The following ATP8B4 variants were observed in gnomAD, a reference collection of about 807,000 sequenced individuals.
The protein encoded by ATP8B4 is ATPase phospholipid transporting 8B4 (putative).
In ATP8B4, 133 loss-of-function variants were observed where a neutral mutation model predicts 145.6. That is an observed-to-expected ratio of 0.91 (90% CI 0.79 to 1.05). The LOEUF is 1.05. Ranked by LOEUF, ATP8B4 falls within the 50% of genes least tolerant of loss-of-function variation. The probability of loss-of-function intolerance (pLI) is 0.00; values close to 1 mark genes in which losing one functional copy is unlikely to be tolerated. For synonymous variants in ATP8B4, 507 were observed against 492.9 expected (o/e 1.03, Z -0.38); for missense variants, 1,458 against 1,425.2 (o/e 1.02, Z -0.37).
intron 2 of ATP8B4, among the ~76,000 whole-genome samples, chr15:50,075,371 G>A (rs968424283): frequency 2.0e-5 from 3 of 152,182 alleles, no homozygotes; most frequent in African/African-American, 7.2e-5. Context: ...TTCCAAAAGT[G>A]CAGGCAGAAT....
In ATP8B4 at chr15:50,107,083, T is replaced by A. The variant is rs1386446025; in HGVS notation, c.-42-75A>T. 3 of 975,378 alleles carry A rather than the reference T, an allele frequency of 3.1e-6. No individual in the cohort carries two copies. In the East Asian group the frequency reaches 8.4e-5, roughly 27 times the overall value. The allele number at this position is 975,378 out of a possible 1,614,324, so 60.4% of individuals were successfully genotyped here. ...ATAAATTTACCTCCTTTAACTTTCT[T>A]CCTAGACAAATCTAGGTAATTAGGA... On this transcript the variant is annotated intron_variant, in intron 1 of 27. Coordinates refer to ENST00000284509, the MANE Select transcript of ATP8B4 (RefSeq NM_024837.4).
At chr15:49,886,196 G>A (rs2036164492) in intron 23 of ATP8B4, among the ~76,000 whole-genome samples, 1 of 152,022 alleles carries the variant, frequency 6.6e-6, no homozygotes, top group African/African-American at 2.4e-5. Context: ...CTCAATAAAA[G>A]GAAGCTGGTG....
intron 24 of ATP8B4, among the ~76,000 whole-genome samples, chr15:49,878,496 G>C (rs1265600391): frequency 6.6e-6 from 1 of 152,098 alleles, no homozygotes; most frequent in Non-Finnish European, 1.5e-5. Context: ...CAACAGCCTG[G>C]AGAAAATGTG....
chr15:50,040,151 T>C (rs1321605404), intron 5 of ATP8B4, among the ~76,000 whole-genome samples: 1 of 152,244 alleles, frequency 6.6e-6, no homozygotes, highest in East Asian at 1.9e-4. Context: ...CTGTGGTCCC[T>C]GCCCTGTGGC....
At chr15:50,147,272 C>T (rs1322712458) in intron 1 of ATP8B4, among the ~76,000 whole-genome samples, 3 of 151,828 alleles carry the variant, frequency 2.0e-5, no homozygotes, top group Non-Finnish European at 4.4e-5. Context: ...AAGAATTAGT[C>T]GGGTGTGGTG....
chr15:50,043,936 G>C (rs1427409839), intron 5 of ATP8B4, among the ~76,000 whole-genome samples: 1 of 149,940 alleles, frequency 6.7e-6, no homozygotes, highest in East Asian at 1.9e-4. Flanking sequence ...GTCCGGCCTG[G>C]GCGACAGAGC....
chr15:49,987,399 A>T lies in ATP8B4; in HGVS notation c.740T>A (p.Ile247Asn), dbSNP rs1248831983. 3 of 1,613,690 alleles carry T rather than the reference A, an allele frequency of 1.9e-6. No individual in the cohort carries two copies. The highest frequency in any genetic ancestry group is 1.3e-5 in the African/African-American group (1 of 75,028). Residue 247 changes from isoleucine to asparagine, a missense_variant, in exon 10 of 28, where the codon ATT (isoleucine) becomes AAT (asparagine). Ile to Asn is a moderately radical substitution (Grantham distance 149, BLOSUM62 -3). Transcript: ENST00000284509. ...TGGGTCACATGCTGTACCTGCAAAA[A>T]TAACCATTCCAAAACACCAGCTGGT... ...RNTSWCFGMV[I>N]FAGPDTKLMQ...
chr15:49,954,350 A>G (rs1567069579), intron 14 of ATP8B4, among the ~76,000 whole-genome samples: 2 of 152,216 alleles, frequency 1.3e-5, no homozygotes, highest in Admixed American at 1.3e-4. Flanking sequence ...TAATTACACT[A>G]AAGAGCTTCT....
At chr15:50,135,858 C>T (rs1415708275) in intron 1 of ATP8B4, among the ~76,000 whole-genome samples, 4 of 152,176 alleles carry the variant, frequency 2.6e-5, no homozygotes, top group Non-Finnish European at 4.4e-5. Flanking sequence ...AAAGGGCCTA[C>T]AGAAGAATGC....
In ATP8B4 at chr15:49,862,337, G is replaced by C. The variant is rs2031973483; in HGVS notation, c.3205C>G (p.Leu1069Val). ...RHSLTQKCIW[L>V]VILLTTVASV... ...GCCACTGTTGTTAAGAGAATTACAA[G>C]CCAGATGCACTTCTGGGTCAGGGAA... The change falls in exon 27 of 28, where the codon CTT becomes GTT. Residue 1069 changes from leucine to valine, a missense_variant. Transcript: ENST00000284509. 1 of 1,613,632 alleles carries C rather than the reference G, an allele frequency of 6.2e-7. No homozygotes were observed. The highest frequency in any genetic ancestry group is 1.3e-5 in the African/African-American group (1 of 74,914).
chr15:50,162,217 A>T (rs2044530763), intron 1 of ATP8B4, among the ~76,000 whole-genome samples: 1 of 151,810 alleles, frequency 6.6e-6, no homozygotes, highest in Non-Finnish European at 1.5e-5. Context: ...TTTATCCTTG[A>T]CCTTTGAAGT....
intron 1 of ATP8B4, among the ~76,000 whole-genome samples, chr15:50,127,990 A>G (rs1212153383): frequency 6.6e-6 from 1 of 152,190 alleles, no homozygotes; most frequent in East Asian, 1.9e-4. Flanking sequence ...TGAGCAGATG[A>G]TGGAGCTACT....
intron 2 of ATP8B4, among the ~76,000 whole-genome samples, chr15:50,099,027 C>T (rs2056174987): frequency 6.6e-6 from 1 of 152,142 alleles, no homozygotes; most frequent in South Asian, 2.1e-4. Flanking sequence ...CTAGAGCCCA[C>T]AGAAGACATA....
intron 9 of ATP8B4, 99 bp downstream of exon 9, chr15:49,996,578 C>A (rs935900445): frequency 2.0e-6 from 2 of 984,344 alleles, no homozygotes; most frequent in Non-Finnish European, 1.5e-6. Flanking sequence ...GATGTCCTTC[C>A]ACCAAATAAA....
chr15:49,871,200 T>A (rs976344110), intron 25 of ATP8B4, among the ~76,000 whole-genome samples: 2 of 152,266 alleles, frequency 1.3e-5, no homozygotes, highest in Non-Finnish European at 2.9e-5. Context: ...TAATAGTACT[T>A]ACATTTCATA....
intron 14 of ATP8B4, among the ~76,000 whole-genome samples, chr15:49,953,308 A>G (rs2043264242): frequency 6.6e-6 from 1 of 152,176 alleles, no homozygotes; most frequent in Non-Finnish European, 1.5e-5. Context: ...AACAACCAGG[A>G]GGAGAGGCTA....
intron 26 of ATP8B4, among the ~76,000 whole-genome samples, chr15:49,862,954 T>C (rs2032120314): frequency 6.6e-6 from 1 of 152,224 alleles, no homozygotes; most frequent in Non-Finnish European, 1.5e-5. Context: ...CATCAAGATC[T>C]TGTGGTTACA....
rs184051795 is a variant in ATP8B4, at chr15:50,180,364, T to A, written c.-43+1897A>T. On this transcript the variant is annotated intron_variant, in intron 1 of 3. Transcript: ENST00000558829. ...GTGAAAGCAAAACTAGATCCAGGTGTCAGCATTTAAAATCCTTGATGTCTT... is the reference window on the plus strand; with the variant it reads ...GTGAAAGCAAAACTAGATCCAGGTGACAGCATTTAAAATCCTTGATGTCTT... Among the ~76,000 whole-genome samples, 23 of 152,300 alleles carry A rather than the reference T, an allele frequency of 1.5e-4. No homozygotes were observed. In the East Asian group the frequency reaches 4.4e-3, roughly 29 times the overall value.
intron 23 of ATP8B4, among the ~76,000 whole-genome samples, chr15:49,884,631 AG>A (rs1359275440): frequency 1.3e-5 from 2 of 151,132 alleles, no homozygotes; most frequent in African/African-American, 2.4e-5. Flanking sequence ...AAAAAAAAAA[AG>A]AAAGTTTCCT....
Sources: gnomAD v4.1 joint callset for allele counts (sites outside exome capture counted in the v4.1 genomes callset) on GRCh38, gnomAD v4.1.1 for gene constraint, MANE v1.5 for transcripts, NCBI Gene and HGNC (gene_info 2026-07-23, HGNC 2026-07-21) for gene names.